Variants in SAMSN1 observed in about 807,000 individuals in gnomAD.
The protein encoded by SAMSN1 is SAM domain, SH3 domain and nuclear localization signals 1.
A neutral mutation model predicts 42.0 loss-of-function variants in SAMSN1; 31 were observed. The ratio of observed to expected loss-of-function variants is 0.74; its 90% confidence interval spans 0.55 to 1.00. SAMSN1 has a LOEUF of 1.00. SAMSN1 is among the 50% of genes least tolerant of loss of function. SAMSN1 has a pLI of 0.00. For synonymous variants in SAMSN1, 178 were observed against 151.9 expected, an observed-to-expected ratio of 1.17 and a Z score of -1.26; for missense variants, 464 against 439.4, an observed-to-expected ratio of 1.06 and a Z score of -0.50.
chr21:14,548,239 G>A (rs1980490994), upstream of SAMSN1, among the ~76,000 whole-genome samples: 1 of 152,112 alleles, frequency 6.6e-6, no homozygotes, highest in Non-Finnish European at 1.5e-5. Context: ...ACATGGTAGA[G>A]TTTTGTTGAT....
chr21:14,638,732 T>A (rs1568840017), intron 2 of SAMSN1, among the ~76,000 whole-genome samples: 1 of 152,188 alleles, frequency 6.6e-6, no homozygotes, highest in Non-Finnish European at 1.5e-5. Flanking sequence ...TTTCCACAGT[T>A]GAATTTGGCA....
At chr21:14,586,591 C>T (rs970534894), upstream of SAMSN1, among the ~76,000 whole-genome samples, 3 of 152,074 alleles carry the variant, frequency 2.0e-5, no homozygotes, top group South Asian at 4.1e-4. Context: ...AGGGAGGTGA[C>T]AGGCGATAAA....
chr21:14,634,609 A>G (rs1368586453), intron 2 of SAMSN1, among the ~76,000 whole-genome samples: 1 of 152,206 alleles, frequency 6.6e-6, no homozygotes, highest in Non-Finnish European at 1.5e-5. Context: ...TCAAAACCAC[A>G]ATGAGATACC....
chr21:14,519,487 T>G (rs780918217), intron 2 of SAMSN1, among the ~76,000 whole-genome samples: 1 of 151,986 alleles, frequency 6.6e-6, no homozygotes, highest in East Asian at 1.9e-4. Context: ...AGTTTCTCTC[T>G]CTCTCCATAT....
chr21:14,546,421 G>T, upstream of SAMSN1: 1 of 1,244,948 alleles, frequency 8.0e-7, no homozygotes, highest in East Asian at 2.8e-5. Flanking sequence ...ACATTTACAT[G>T]GGTAATTTTT....
upstream of SAMSN1, chr21:14,583,505 T>C: frequency 1.7e-6 from 1 of 584,804 alleles, no homozygotes; most frequent in Non-Finnish European, 3.0e-6. Flanking sequence ...GATGGGGATG[T>C]CTGTTTTAAA....
chr21:14,609,449 T>C (rs1158879644), intron 5 of SAMSN1: 3 of 717,270 alleles, frequency 4.2e-6, no homozygotes, highest in South Asian at 3.0e-5. Context: ...TTTGGGAAAA[T>C]GCAAAGTCAG....
chr21:14,658,687 A>G (rs1983953020), intron 1 of SAMSN1: 1 of 712,108 alleles, frequency 1.4e-6, no homozygotes, highest in East Asian at 2.7e-5. Context: ...TCCTAATTTC[A>G]TTCCTTTTGA....
At chr21:14,601,928 G>A in intron 6 of SAMSN1, 1 of 434,550 alleles carries the variant, frequency 2.3e-6, no homozygotes, top group Non-Finnish European at 4.3e-6. Context: ...TAGCTAAAAG[G>A]CTGTGTAAGT....
intron 2 of SAMSN1, among the ~76,000 whole-genome samples, chr21:14,623,576 C>G (rs1207641468): frequency 6.6e-6 from 1 of 152,216 alleles, no homozygotes; most frequent in Non-Finnish European, 1.5e-5. Flanking sequence ...GAAGAACTAA[C>G]TATCCTAAAT....
chr21:14,587,817 T>G (rs1981967002), upstream of SAMSN1, among the ~76,000 whole-genome samples: 1 of 151,788 alleles, frequency 6.6e-6, no homozygotes, highest in South Asian at 2.1e-4. Context: ...GTGCACATTG[T>G]GCAGGTTAGT....
intron 7 of SAMSN1, chr21:14,593,606 T>G (rs467140): frequency 0.52 from 80,314 of 153,842 alleles, 21,385 homozygotes; most frequent in Admixed American, 0.63. Context: ...TTGATTTCCT[T>G]TTATGGCATA....
At chr21:14,621,364 G>T (rs752480604) in intron 2 of SAMSN1, among the ~76,000 whole-genome samples, 47 of 152,218 alleles carry the variant, frequency 3.1e-4, no homozygotes, top group Non-Finnish European at 6.0e-4. Flanking sequence ...CACCTGGGAA[G>T]CACAAGGGAC....
intron 5 of SAMSN1, among the ~76,000 whole-genome samples, chr21:14,503,705 C>T (rs528141033): frequency 2.5e-4 from 38 of 152,232 alleles, no homozygotes; most frequent in Admixed American, 7.8e-4. Context: ...TCATGGCAGA[C>T]GGCAGGCAGG....
intron 7 of SAMSN1, among the ~76,000 whole-genome samples, chr21:14,488,559 C>A (rs1156260453): frequency 6.6e-6 from 1 of 152,132 alleles, no homozygotes; most frequent in Non-Finnish European, 1.5e-5. Context: ...AAATTAAAAA[C>A]TGTCTTTACT....
At chr21:14,620,092 G>A (rs887734526) in intron 2 of SAMSN1, among the ~76,000 whole-genome samples, 4 of 152,062 alleles carry the variant, frequency 2.6e-5, no homozygotes, top group African/African-American at 4.8e-5. Context: ...GGAAATTTCG[G>A]TTTCTATGGT....
At chr21:14,589,671 C>A (rs745492939) in intron 7 of SAMSN1, among the ~76,000 whole-genome samples, 4 of 152,072 alleles carry the variant, frequency 2.6e-5, no homozygotes, top group Non-Finnish European at 4.4e-5. Context: ...CTTATGGAGA[C>A]TAACAAAATC....
intron 2 of SAMSN1, among the ~76,000 whole-genome samples, chr21:14,558,450 G>C (rs1980834496): frequency 6.6e-6 from 1 of 152,134 alleles, no homozygotes; most frequent in African/African-American, 2.4e-5. Context: ...GGCTGAGGCA[G>C]GTAGATCCAC....
At chr21:14,648,855 A>C (rs1983770856) in intron 1 of SAMSN1, among the ~76,000 whole-genome samples, 3 of 152,052 alleles carry the variant, frequency 2.0e-5, no homozygotes, top group Admixed American at 2.0e-4. Context: ...TGTGGAAGTC[A>C]GTGTGGTGAT....
Sources: allele counts gnomAD v4.1 joint callset (sites outside exome capture counted in the v4.1 genomes callset), GRCh38; gene constraint gnomAD v4.1.1; transcripts MANE v1.5; gene names NCBI Gene and HGNC (gene_info 2026-07-23, HGNC 2026-07-21).